FBXL7: variants seen among roughly 807,000 people sequenced by gnomAD.
FBXL7 encodes F-box and leucine rich repeat protein 7.
Under a neutral mutation model 38.3 loss-of-function variants are expected in FBXL7, and 12 were observed. The observed-to-expected ratio is 0.31, with a 90% confidence interval of 0.20 to 0.51. The LOEUF is 0.51. FBXL7 is among the 20% of genes least tolerant of loss of function. The pLI, the probability that FBXL7 is intolerant of heterozygous loss-of-function variation, is 0.98. For missense variants in FBXL7, 567 were observed against 676.4 expected (o/e 0.84, Z 1.79); for synonymous variants, 297 against 300.9 (o/e 0.99, Z 0.13).
intron 2 of FBXL7, among the ~76,000 whole-genome samples, chr5:15,714,491 G>A (rs557668865): frequency 6.6e-6 from 1 of 150,420 alleles, no homozygotes; most frequent in South Asian, 2.1e-4. Flanking sequence ...ACAAGGTAAT[G>A]TGGAGTGTAC....
intron 2 of FBXL7, among the ~76,000 whole-genome samples, chr5:15,645,456 G>T (rs1741498946): frequency 6.6e-6 from 1 of 152,034 alleles, no homozygotes; most frequent in Admixed American, 6.5e-5. Flanking sequence ...TCCTGACTTT[G>T]CTTCAAGCTG....
At chr5:15,740,193 G>A (rs769873313) in intron 2 of FBXL7, among the ~76,000 whole-genome samples, 17 of 152,196 alleles carry the variant, frequency 1.1e-4, no homozygotes, top group Non-Finnish European at 2.1e-4. Flanking sequence ...GGCACTGACA[G>A]CAAAGCTCTC....
At chr5:15,655,787 G>A (rs900431046) in intron 2 of FBXL7, among the ~76,000 whole-genome samples, 2 of 152,116 alleles carry the variant, frequency 1.3e-5, no homozygotes, top group Non-Finnish European at 1.5e-5. Flanking sequence ...TAACACACTC[G>A]TTTCATATTA....
chr5:15,522,122 C>T (rs1561013889), intron 1 of FBXL7, among the ~76,000 whole-genome samples: 2 of 152,114 alleles, frequency 1.3e-5, no homozygotes, highest in African/African-American at 4.8e-5. Context: ...ATGTTTAAAA[C>T]TTTGGGCATG....
intron 2 of FBXL7, among the ~76,000 whole-genome samples, chr5:15,671,005 T>A (rs1742453904): frequency 1.3e-5 from 2 of 152,030 alleles, no homozygotes; most frequent in Admixed American, 1.3e-4. Context: ...CTTTAATTAT[T>A]CTCTGACTTC....
rs183203346 is a variant in FBXL7 at position 15,928,730 on chromosome 5, T to A, written c.739+229T>A. On this transcript the variant is annotated intron_variant, in intron 3 of 3. Coordinates refer to ENST00000504595, the MANE Select transcript of FBXL7 (RefSeq NM_012304.5). The surrounding 1 kb of genome is among the most constrained non-coding windows in gnomAD (Gnocchi z 4.0). The stretch of plus-strand genomic sequence containing the variant: ...TCCACTTCTTTTTTTTTTATTATTA[T>A]ACTTTAAGTTTTAGGGTACATGTGC... Among the ~76,000 whole-genome samples, 1,402 of 152,276 alleles carry A rather than the reference T, an allele frequency of 9.2e-3. 22 individuals are homozygous for A. The highest frequency in any genetic ancestry group is 0.033 in the African/African-American group (1,352 of 41,550).
At chr5:15,571,927 C>G (rs990586405) in intron 1 of FBXL7, among the ~76,000 whole-genome samples, 1 of 152,150 alleles carries the variant, frequency 6.6e-6, no homozygotes, top group South Asian at 2.1e-4. Flanking sequence ...TGCCCCATCT[C>G]TTACCCGGTT....
chr5:15,919,803 C>A (rs1400246308), intron 2 of FBXL7, among the ~76,000 whole-genome samples: 1 of 152,164 alleles, frequency 6.6e-6, no homozygotes, highest in African/African-American at 2.4e-5. Context: ...ACAAACCATT[C>A]TATTCTTTAC....
chr5:15,712,567 A>G (rs1026694779), intron 2 of FBXL7, among the ~76,000 whole-genome samples: 10 of 152,120 alleles, frequency 6.6e-5, no homozygotes, highest in Non-Finnish European at 1.3e-4. Flanking sequence ...GCAATCTGTG[A>G]TACATGTTTT....
chr5:15,861,713 G>T (rs1428066826), intron 2 of FBXL7, among the ~76,000 whole-genome samples: 1 of 152,280 alleles, frequency 6.6e-6, no homozygotes, highest in Non-Finnish European at 1.5e-5. Context: ...AACCAGCCCT[G>T]CTGGTGTCCT....
rs1308638610 is a variant in FBXL7 at position 15,939,115 on chromosome 5, A to C, written c.*1929A>C. The C allele has an allele frequency of 2.0e-5, 8 of 398,840 alleles. No homozygotes were observed. Among genetic ancestry groups the C allele is most frequent in the Non-Finnish European group, 3.1e-5 (7 of 226,038 alleles). 24.7% of individuals were successfully genotyped at this position (398,840 alleles called of 1,614,324 possible). ...TGTGATGAGGTGGTGTCTGCCCAGG[A>C]GGTTTCTTTCAAACATCATGGCCTC... On this transcript the variant is annotated 3_prime_UTR_variant, in exon 4 of 4. Coordinates refer to ENST00000504595, the MANE Select transcript of FBXL7 (RefSeq NM_012304.5).
chr5:15,526,587 G>A (rs539743751), intron 1 of FBXL7, among the ~76,000 whole-genome samples: 1 of 152,266 alleles, frequency 6.6e-6, no homozygotes, highest in South Asian at 2.1e-4. Flanking sequence ...AAAACAGACT[G>A]GGGGTACTCA....
At chr5:15,512,927 C>A (rs1379675568) in intron 1 of FBXL7, among the ~76,000 whole-genome samples, 2 of 152,066 alleles carry the variant, frequency 1.3e-5, no homozygotes, top group East Asian at 1.9e-4. Context: ...TAAAATAGTT[C>A]TTTGGCTTAA....
At chr5:15,554,513 C>G (rs777512665) in intron 1 of FBXL7, among the ~76,000 whole-genome samples, 1 of 152,120 alleles carries the variant, frequency 6.6e-6, no homozygotes, top group Non-Finnish European at 1.5e-5. Context: ...TTTTATATCC[C>G]TTTTGTCAGA....
In FBXL7 at chr5:15,928,359, C is replaced by G. The variant is rs916849673; in HGVS notation, c.597C>G (p.Leu199=). Residue 199 remains leucine, a synonymous_variant, in exon 3 of 4, where the codon CTC becomes CTG. Transcript: ENST00000504595. The surrounding 1 kb of genome is among the most constrained non-coding windows in gnomAD (Gnocchi z 4.0). Reference sequence around the variant, plus strand: ...TAACTGTCAGTGGCTGCAGGCGGCTCACAGACCGAGGGCTGTACACCATCG... The same window carrying G: ...TAACTGTCAGTGGCTGCAGGCGGCTGACAGACCGAGGGCTGTACACCATCG... ...ETVTVSGCRR[L]TDRGLYTIAQ... The G allele has an allele frequency of 1.5e-5, 25 of 1,613,838 alleles. No individual in the cohort carries two copies. Among genetic ancestry groups the G allele is most frequent in the Admixed American group, 5.0e-5 (3 of 59,998 alleles).
chr5:15,504,748 G>T (rs768619254), intron 1 of FBXL7, among the ~76,000 whole-genome samples: 5 of 152,138 alleles, frequency 3.3e-5, no homozygotes, highest in Non-Finnish European at 7.4e-5. Context: ...AAGTTGGGGT[G>T]CTTCAAAGTC....
chr5:15,878,155 C>T lies in FBXL7; in HGVS notation c.128-49735C>T, dbSNP rs546734988. 1.2e-4 allele frequency among the ~76,000 whole-genome samples: 18 copies of T among 152,270 alleles called. 1 individual carries two copies. The highest frequency in any genetic ancestry group is 3.9e-4 in the African/African-American group (16 of 41,540). On this transcript the variant is annotated intron_variant, in intron 2 of 3. Coordinates refer to ENST00000504595, the MANE Select transcript of FBXL7 (RefSeq NM_012304.5). The stretch of plus-strand genomic sequence containing the variant: ...GTTCTGGCAGGCACTTCACAGAGCA[C>T]GCCACCCTCAAGGTCAGCCACATCT...
At chr5:15,614,060 CT>C (rs1391201184) in intron 1 of FBXL7, among the ~76,000 whole-genome samples, 2 of 152,132 alleles carry the variant, frequency 1.3e-5, no homozygotes, top group Admixed American at 6.5e-5. Flanking sequence ...ATACCATCAC[CT>C]TGGGGATTAG....
intron 3 of FBXL7, among the ~76,000 whole-genome samples, chr5:15,929,640 A>G (rs981927030): frequency 8.9e-5 from 13 of 145,638 alleles, no homozygotes; most frequent in Middle Eastern, 3.6e-3. Flanking sequence ...AAAAAAAAAA[A>G]AAAAAGAAAA....
Sources: allele counts gnomAD v4.1 joint callset (sites outside exome capture counted in the v4.1 genomes callset), GRCh38; gene constraint gnomAD v4.1.1; non-coding constraint Gnocchi (gnomAD v3.1); transcripts MANE v1.5; gene names NCBI Gene and HGNC (gene_info 2026-07-23, HGNC 2026-07-21).